MCTP1: variants seen among roughly 807,000 people sequenced by gnomAD.
MCTP1 encodes the protein multiple C2 and transmembrane domain containing 1.
Under a neutral mutation model 120.6 loss-of-function variants are expected in MCTP1, and 69 were observed. That is an observed-to-expected ratio of 0.57 (90% CI 0.47 to 0.70). The LOEUF is 0.70. Among genes scored for constraint, MCTP1 ranks in the 30% least tolerant of loss-of-function variants. The probability of loss-of-function intolerance (pLI) is 0.00; values close to 1 mark genes in which losing one functional copy is unlikely to be tolerated. For missense variants in MCTP1, 1,203 were observed against 1,248.8 expected (o/e 0.96, Z 0.55); for synonymous variants, 529 against 493.1 (o/e 1.07, Z -0.96).
chr5:94,735,423 C>T (rs1251992256), intron 19 of MCTP1, among the ~76,000 whole-genome samples: 4 of 152,152 alleles, frequency 2.6e-5, no homozygotes, highest in East Asian at 3.9e-4. Flanking sequence ...AGACTACAGG[C>T]GTACACCGCC....
In MCTP1 at chr5:94,774,415, T is replaced by C. The variant is rs543551216; in HGVS notation, c.2610+4695A>G. On this transcript the variant is annotated intron_variant, in intron 19 of 22. Transcript: ENST00000515393. ...GAGAGACTCAACCCAACAGAGATTC[T>C]CCACTGATAGATTTAAAGATGGAGG... 3.9e-5 allele frequency among the ~76,000 whole-genome samples: 6 copies of C among 152,162 alleles called. No individual in the cohort carries two copies. In the East Asian group the frequency reaches 1.2e-3, roughly 29 times the overall value.
intron 19 of MCTP1, among the ~76,000 whole-genome samples, chr5:94,743,972 T>C (rs1766251700): frequency 6.6e-6 from 1 of 151,404 alleles, no homozygotes; most frequent in South Asian, 2.1e-4. Flanking sequence ...GCTCTTGATT[T>C]TTCTTGTTCT....
chr5:94,861,953 G>A (rs530882280), intron 17 of MCTP1, among the ~76,000 whole-genome samples: 1 of 151,874 alleles, frequency 6.6e-6, no homozygotes, highest in South Asian at 2.1e-4. Flanking sequence ...CGAGGCTTTG[G>A]TGTCCTCCAC....
intron 17 of MCTP1, among the ~76,000 whole-genome samples, chr5:94,845,281 C>T (rs1361721006): frequency 1.3e-5 from 2 of 152,142 alleles, no homozygotes; most frequent in African/African-American, 4.8e-5. Flanking sequence ...AGAGCAACGT[C>T]ACATCTTACG....
chr5:94,831,382 T>C (rs1350531727), intron 17 of MCTP1, among the ~76,000 whole-genome samples: 1 of 152,242 alleles, frequency 6.6e-6, no homozygotes, highest in East Asian at 1.9e-4. Context: ...AAACCACTGC[T>C]ATATGTTTCC....
intron 1 of MCTP1, among the ~76,000 whole-genome samples, chr5:95,174,651 G>A (rs376187253): frequency 6.6e-6 from 1 of 152,118 alleles, no homozygotes; most frequent in Non-Finnish European, 1.5e-5. Context: ...GCCTCACAGC[G>A]TAATTCACAT....
chr5:95,169,841 A>C (rs915276711), intron 1 of MCTP1, among the ~76,000 whole-genome samples: 1 of 152,130 alleles, frequency 6.6e-6, no homozygotes, highest in Non-Finnish European at 1.5e-5. Context: ...CTTTTCAAAA[A>C]CCAGGTCCTG....
intron 19 of MCTP1, among the ~76,000 whole-genome samples, chr5:94,743,500 C>T (rs1350359596): frequency 3.3e-5 from 5 of 152,096 alleles, no homozygotes; most frequent in Non-Finnish European, 5.9e-5. Flanking sequence ...CAAACGGAAA[C>T]GCCTGCACAG....
At chr5:94,831,830 T>C (rs1788575800) in intron 17 of MCTP1, among the ~76,000 whole-genome samples, 2 of 152,342 alleles carry the variant, frequency 1.3e-5, no homozygotes, top group South Asian at 4.1e-4. Context: ...TCTTAAGTTT[T>C]TAAGGATCAC....
intron 1 of MCTP1, among the ~76,000 whole-genome samples, chr5:95,149,187 A>C (rs1760675068): frequency 6.6e-6 from 1 of 152,188 alleles, no homozygotes; most frequent in Non-Finnish European, 1.5e-5. Context: ...TAGGTGTTAT[A>C]GGCTTAGGAC....
At chr5:95,003,790 C>G (rs1251508260) in intron 2 of MCTP1, among the ~76,000 whole-genome samples, 2 of 152,176 alleles carry the variant, frequency 1.3e-5, no homozygotes, top group Admixed American at 6.5e-5. Context: ...ATTACCCAGT[C>G]TCAGGTATGT....
chr5:94,978,067 G>A (rs894122077), intron 2 of MCTP1, among the ~76,000 whole-genome samples: 1 of 152,024 alleles, frequency 6.6e-6, no homozygotes, highest in Non-Finnish European at 1.5e-5. Flanking sequence ...GCTAAGTCTG[G>A]AATAGACATT....
chr5:95,151,648 C>A (rs539572577), intron 1 of MCTP1, among the ~76,000 whole-genome samples: 2 of 152,340 alleles, frequency 1.3e-5, no homozygotes, highest in South Asian at 4.1e-4. Flanking sequence ...GGACTCTCTG[C>A]AATGCTGTAT....
At chr5:94,718,951 C>A (rs1167210461) in intron 19 of MCTP1, among the ~76,000 whole-genome samples, 3 of 152,130 alleles carry the variant, frequency 2.0e-5, no homozygotes, top group African/African-American at 7.2e-5. Context: ...GAACTCCTGA[C>A]CCCAGGTGAT....
chr5:95,180,201 G>A (rs976123704), intron 1 of MCTP1, among the ~76,000 whole-genome samples: 3 of 152,114 alleles, frequency 2.0e-5, no homozygotes, highest in South Asian at 2.1e-4. Flanking sequence ...AACAATAGTG[G>A]GGGACTTGAA....
At chr5:95,210,805 G>A (rs956590300) in intron 1 of MCTP1, among the ~76,000 whole-genome samples, 9 of 152,070 alleles carry the variant, frequency 5.9e-5, no homozygotes, top group African/African-American at 2.2e-4. Flanking sequence ...TTTTGCAGCG[G>A]CTGGTACCGG....
chr5:94,805,801 A>C (rs561501123), intron 17 of MCTP1, among the ~76,000 whole-genome samples: 7 of 149,262 alleles, frequency 4.7e-5, no homozygotes, highest in African/African-American at 1.7e-4. Context: ...GTCTGAAGCA[A>C]GTCTGAGTGG....
chr5:94,937,747 C>G (rs186049), intron 5 of MCTP1, among the ~76,000 whole-genome samples: 50,102 of 151,868 alleles, frequency 0.33, 8,958 homozygotes, highest in South Asian at 0.45. Flanking sequence ...CTTGCTCCCT[C>G]AAACCCTCAG....
chr5:94,895,342 C>T (rs776597845), intron 10 of MCTP1, among the ~76,000 whole-genome samples: 21 of 152,172 alleles, frequency 1.4e-4, no homozygotes, highest in Admixed American at 6.5e-5. Flanking sequence ...ATTCATAGTA[C>T]TCTGTATAAA....
Sources: allele counts gnomAD v4.1 joint callset (sites outside exome capture counted in the v4.1 genomes callset), GRCh38; gene constraint gnomAD v4.1.1; transcripts MANE v1.5; gene names NCBI Gene and HGNC (gene_info 2026-07-23, HGNC 2026-07-21).